The following PCDHGB2 variants were observed in gnomAD, a reference collection of about 807,000 sequenced individuals.
PCDHGB2 encodes the protein protocadherin gamma subfamily B, 2, also known as protocadherin gamma-B2.
A neutral mutation model predicts 59.3 loss-of-function variants in PCDHGB2; 55 were observed. That is an observed-to-expected ratio of 0.93 (90% CI 0.75 to 1.16). The LOEUF is 1.16. PCDHGB2 is among the 50% of genes most tolerant of loss of function. PCDHGB2 has a pLI of 0.00. For synonymous variants in PCDHGB2, 516 were observed against 512.0 expected (o/e 1.01, Z -0.11); for missense variants, 1,228 against 1,198.5 (o/e 1.02, Z -0.36).
In PCDHGB2 at chr5:141,382,880, G is replaced by C. The variant is rs959397097; in HGVS notation, c.2421+20324G>C. The C allele has an allele frequency of 5.2e-6, 8 of 1,526,962 alleles. No homozygotes were observed. The African/African-American group carries it at 5.6e-5, about 11-fold the overall frequency. The allele number at this position is 1,526,962 out of a possible 1,614,324, so 94.6% of individuals were successfully genotyped here. ...AGCACTTCCCGAGATCGGCGCCTAA[G>C]CAAGAGAAGCAGGACGACTATGGCG... On this transcript the variant is annotated intron_variant, in intron 1 of 3. Transcript: ENST00000522605.
In PCDHGB2 at chr5:141,395,537, A is replaced by ATTGTTTGT. The variant is rs1179408656; in HGVS notation, c.2421+32982_2421+32989dup. On this transcript the variant is annotated intron_variant, in intron 1 of 3. Coordinates refer to ENST00000522605, the MANE Select transcript of PCDHGB2 (RefSeq NM_018923.3). Reference sequence around the variant, plus strand: ...ACCCGTCCATACTGGTAATTTTGCTATTGTTTGTGTGTGTGTGTGTGTGTG... The same window carrying ATTGTTTGT: ...ACCCGTCCATACTGGTAATTTTGCTATTGTTTGTTTGTTTGTGTGTGTGTGTGTGTGTG... 12 of 243,932 alleles carry ATTGTTTGT rather than the reference A, an allele frequency of 4.9e-5. No individual in the cohort carries two copies. In the African/African-American group the frequency reaches 6.6e-4, roughly 13 times the overall value. 15.1% of individuals were successfully genotyped at this position (243,932 alleles called of 1,614,324 possible).
At chr5:141,508,538 G>C (rs1383873129) in intron 3 of PCDHGB2, among the ~76,000 whole-genome samples, 1 of 152,120 alleles carries the variant, frequency 6.6e-6, no homozygotes, top group African/African-American at 2.4e-5. Flanking sequence ...CACCCCCCAC[G>C]AGGTGGGCGG....
At chr5:141,384,723 G>A (rs1780414266) in intron 1 of PCDHGB2, 1 of 1,614,142 alleles carries the variant, frequency 6.2e-7, no homozygotes, top group Non-Finnish European at 8.5e-7. Flanking sequence ...CATACCTCCT[G>A]CTTAAGGCCA....
At chr5:141,414,460 A>G in intron 1 of PCDHGB2, 1 of 1,613,922 alleles carries the variant, frequency 6.2e-7, no homozygotes, top group Non-Finnish European at 8.5e-7. Context: ...AGTGACAGCC[A>G]CAGATGGGGG....
Position 141,491,819 on chromosome 5 carries a change from G to C in PCDHGB2, c.2422-2988G>C. The C allele has an allele frequency of 6.7e-7, 1 of 1,482,028 alleles. No individual in the cohort carries two copies. Among genetic ancestry groups the C allele is most frequent in the Non-Finnish European group, 9.0e-7 (1 of 1,116,648 alleles). The allele number at this position is 1,482,028 out of a possible 1,614,324, so 91.8% of individuals were successfully genotyped here. A position where few individuals can be genotyped will look rare whatever the true frequency, so the allele number is the denominator to read the frequency against. On this transcript the variant is annotated intron_variant, in intron 1 of 3. Transcript: ENST00000522605. This position sits in a 1 kb window ranked among gnomAD's most constrained non-coding sequence, Gnocchi z 6.9. ...TCCGGCCGGCTTGGTCGCTGGCTGCGCTCCACCCGATTCTCGGGATCATTG... is the reference window on the plus strand; with the variant it reads ...TCCGGCCGGCTTGGTCGCTGGCTGCCCTCCACCCGATTCTCGGGATCATTG...
intron 1 of PCDHGB2, chr5:141,419,118 T>C: frequency 6.2e-7 from 1 of 1,613,806 alleles, no homozygotes; most frequent in South Asian, 1.1e-5. Context: ...GAGTACAACG[T>C]CACCATCGCA....
In PCDHGB2 at chr5:141,489,984, T is replaced by C; in HGVS notation, c.2422-4823T>C. The C allele has an allele frequency of 1.2e-6, 2 of 1,614,212 alleles. No homozygotes were observed. Among genetic ancestry groups the C allele is most frequent in the South Asian group, 1.1e-5 (1 of 91,090 alleles). ...CAACCTTCCAATCCTCAGTTCTACG[T>C]GTGGGAATCCCAGAGAATGCACCCA... On this transcript the variant is annotated intron_variant, in intron 1 of 3. Transcript: ENST00000522605. The surrounding 1 kb of genome is among the most constrained non-coding windows in gnomAD (Gnocchi z 4.5).
chr5:141,484,552 G>T (rs2099597743), intron 1 of PCDHGB2, among the ~76,000 whole-genome samples: 1 of 152,138 alleles, frequency 6.6e-6, no homozygotes, highest in African/African-American at 2.4e-5. Context: ...CTAATTAGCA[G>T]TTGCTCCAAT....
chr5:141,446,408 C>A (rs1211716327), intron 1 of PCDHGB2, among the ~76,000 whole-genome samples: 1 of 151,898 alleles, frequency 6.6e-6, no homozygotes, highest in African/African-American at 2.4e-5. Flanking sequence ...GAGTTGAGTT[C>A]CAGCCATGTT....
rs759160174 is a variant in PCDHGB2, at chr5:141,385,062, G to T, written c.2421+22506G>T. 2.1e-5 allele frequency: 34 copies of T among 1,614,044 alleles called. No homozygotes were observed. In the South Asian group the frequency reaches 3.4e-4, roughly 16 times the overall value. On this transcript the variant is annotated intron_variant, in intron 1 of 3. Transcript: ENST00000522605. ...CGCTCAGGCTGCGGCGCTGGCACAA[G>T]TCACGCCTGCTGCAGGCTTCAGAAG... is the stretch of plus-strand genomic sequence containing the variant.
At chr5:141,428,613 CAAGAT>C (rs1385471747) in intron 1 of PCDHGB2, 1 of 212,608 alleles carries the variant, frequency 4.7e-6, no homozygotes, top group African/African-American at 2.3e-5. Flanking sequence ...AAGAGAATAA[CAAGAT>C]AAGCTCTAAC....
chr5:141,445,334 A>G (rs1337991795), intron 1 of PCDHGB2, among the ~76,000 whole-genome samples: 1 of 152,224 alleles, frequency 6.6e-6, no homozygotes, highest in African/African-American at 2.4e-5. Context: ...ATCCAGAAAC[A>G]GTAAACATTG....
rs578223384 is a variant in PCDHGB2 at position 141,400,070 on chromosome 5, C to T, written c.2421+37514C>T. Reference sequence around the variant, plus strand: ...GTTGCTGTGCGTGATGGTGGACAGCCGCCACTCTCCGCCACCGCCACGCTG... The same window carrying T: ...GTTGCTGTGCGTGATGGTGGACAGCTGCCACTCTCCGCCACCGCCACGCTG... On this transcript the variant is annotated intron_variant, in intron 1 of 3. Coordinates refer to ENST00000522605, the MANE Select transcript of PCDHGB2 (RefSeq NM_018923.3). 1.2e-6 allele frequency: 2 copies of T among 1,613,922 alleles called. No individual in the cohort carries two copies. Among genetic ancestry groups the T allele is most frequent in the African/African-American group, 1.3e-5 (1 of 75,062 alleles).
intron 1 of PCDHGB2, chr5:141,365,663 G>A (rs117201633): frequency 1.9e-6 from 3 of 1,613,390 alleles, no homozygotes; most frequent in African/African-American, 1.3e-5. Context: ...AGTAGCAGAC[G>A]TTAATGACAA....
At chr5:141,480,722 C>T (rs1002559431) in intron 1 of PCDHGB2, among the ~76,000 whole-genome samples, 1 of 152,174 alleles carries the variant, frequency 6.6e-6, no homozygotes, top group African/African-American at 2.4e-5. Flanking sequence ...AAAGCACAGT[C>T]TCTGGGGGTG....
At chr5:141,434,667 G>A (rs1464226862) in intron 1 of PCDHGB2, among the ~76,000 whole-genome samples, 5 of 151,956 alleles carry the variant, frequency 3.3e-5, no homozygotes, top group African/African-American at 1.2e-4. Context: ...CTATAGAAAT[G>A]ATGCTAATGA....
In PCDHGB2 at chr5:141,370,422, C is replaced by A. The variant is rs780716652; in HGVS notation, c.2421+7866C>A. 1.9e-6 allele frequency: 3 copies of A among 1,581,408 alleles called. No homozygotes were observed. The South Asian group carries it at 3.5e-5, about 18-fold the overall frequency. ...GGGAAATAGCTCCGGATGGAGGGGC[C>A]CAGCAGGGCAGAGGCGAATGCTATT... On this transcript the variant is annotated intron_variant, in intron 1 of 3. Transcript: ENST00000522605.
At chr5:141,366,588 A>G (rs1222422488) in intron 1 of PCDHGB2, 1 of 1,614,114 alleles carries the variant, frequency 6.2e-7, no homozygotes, top group African/African-American at 1.3e-5. Context: ...CTGCAGACCT[A>G]TTCCCACGAG....
Position 141,420,177 on chromosome 5 carries a change from A to G in PCDHGB2, c.2421+57621A>G, listed in dbSNP as rs1188698450. The G allele has an allele frequency of 2.5e-6, 4 of 1,613,992 alleles. No homozygotes were observed. Among genetic ancestry groups the G allele is most frequent in the South Asian group, 2.2e-5 (2 of 91,086 alleles). ...TTTAATTTTTTCACATCTGTTGATC[A>G]TTGTCCAGCCACACAAGATAACCTC... On this transcript the variant is annotated intron_variant, in intron 1 of 3. Coordinates refer to ENST00000522605, the MANE Select transcript of PCDHGB2 (RefSeq NM_018923.3).
Sources: allele counts gnomAD v4.1 joint callset (sites outside exome capture counted in the v4.1 genomes callset), GRCh38; gene constraint gnomAD v4.1.1; non-coding constraint Gnocchi (gnomAD v3.1); transcripts MANE v1.5; gene names NCBI Gene and HGNC (gene_info 2026-07-23, HGNC 2026-07-21).